The following CALN1 variants were observed in gnomAD, a reference collection of about 807,000 sequenced individuals.
The protein encoded by CALN1 is calneuron 1, also known as calcium-binding protein 8.
A neutral mutation model predicts 30.6 loss-of-function variants in CALN1; 17 were observed. That is an observed-to-expected ratio of 0.56 (90% CI 0.38 to 0.83). The LOEUF (loss-of-function observed/expected upper bound fraction) is 0.83, where lower values mean the gene tolerates loss of function less well. Ranked by LOEUF, CALN1 falls within the 40% of genes least tolerant of loss-of-function variation. The probability of loss-of-function intolerance (pLI) is 0.00; values close to 1 mark genes in which losing one functional copy is unlikely to be tolerated. For missense variants in CALN1, 291 were observed against 354.9 expected, an observed-to-expected ratio of 0.82 and a Z score of 1.45; for synonymous variants, 156 against 131.4, an observed-to-expected ratio of 1.19 and a Z score of -1.28.
chr7:72,405,321 C>T (rs371723544), intron 1 of CALN1, among the ~76,000 whole-genome samples: 3 of 152,316 alleles, frequency 2.0e-5, no homozygotes, highest in African/African-American at 7.2e-5. Context: ...TCTTCAGATG[C>T]GTGCTCACAG....
At chr7:72,153,187 T>C (rs572541593) in intron 3 of CALN1, among the ~76,000 whole-genome samples, 1 of 152,296 alleles carries the variant, frequency 6.6e-6, no homozygotes, top group East Asian at 1.9e-4. Context: ...TAACACCCCT[T>C]GGCTGCAGCA....
At chr7:71,788,725 T>G (rs945467093) in intron 6 of CALN1, among the ~76,000 whole-genome samples, 3 of 152,042 alleles carry the variant, frequency 2.0e-5, no homozygotes, top group Non-Finnish European at 4.4e-5. Context: ...TGGCATGATC[T>G]TGGCTCACTA....
intron 4 of CALN1, among the ~76,000 whole-genome samples, chr7:72,026,904 G>A (rs770521215): frequency 4.8e-5 from 7 of 146,140 alleles, no homozygotes; most frequent in South Asian, 4.5e-4. Flanking sequence ...GTGGCTCCAC[G>A]TCTTGGATAG....
chr7:72,206,760 T>C (rs1210993417), intron 3 of CALN1, among the ~76,000 whole-genome samples: 1 of 152,240 alleles, frequency 6.6e-6, no homozygotes, highest in Non-Finnish European at 1.5e-5. Flanking sequence ...TCCTTTCACA[T>C]TGCAGATTTG....
intron 2 of CALN1, among the ~76,000 whole-genome samples, chr7:72,291,547 CT>C: frequency 6.6e-6 from 1 of 152,336 alleles, no homozygotes; most frequent in East Asian, 1.9e-4. Flanking sequence ...TGCACATCCC[CT>C]GGAACACTGG....
chr7:72,317,174 A>C, intron 2 of CALN1, among the ~76,000 whole-genome samples: 1 of 75,448 alleles, frequency 1.3e-5, no homozygotes, highest in African/African-American at 5.3e-5. Flanking sequence ...GGAGGGAGGG[A>C]GGGAAGGAGG....
intron 4 of CALN1, among the ~76,000 whole-genome samples, chr7:72,036,994 G>A (rs1801839845): frequency 6.6e-6 from 1 of 151,854 alleles, no homozygotes; most frequent in Non-Finnish European, 1.5e-5. Context: ...TATTGTTTTA[G>A]TTTTTGTTTA....
intron 1 of CALN1, among the ~76,000 whole-genome samples, chr7:72,408,301 C>T (rs576237623): frequency 1.9e-4 from 29 of 148,760 alleles, no homozygotes; most frequent in South Asian, 6.4e-4. Flanking sequence ...ATTAGTAGTG[C>T]GTGGTGGCTC....
chr7:72,469,296 CT>C, the CALN1 span, among the ~76,000 whole-genome samples: 1 of 152,308 alleles, frequency 6.6e-6, no homozygotes, highest in East Asian at 1.9e-4. Context: ...GAATATCCAG[CT>C]GTCCCAGTAC....
chr7:72,280,663 G>T (rs964889999), intron 2 of CALN1, among the ~76,000 whole-genome samples: 1 of 152,156 alleles, frequency 6.6e-6, no homozygotes, highest in Non-Finnish European at 1.5e-5. Flanking sequence ...ATGGTCATTT[G>T]AGTACGGACT....
At chr7:71,903,875 A>T (rs768645317) in intron 5 of CALN1, among the ~76,000 whole-genome samples, 3 of 152,186 alleles carry the variant, frequency 2.0e-5, no homozygotes, top group Non-Finnish European at 2.9e-5. Context: ...CTGGATTCAA[A>T]AATAGGCAAA....
intron 4 of CALN1, among the ~76,000 whole-genome samples, chr7:72,052,923 T>A (rs1802931206): frequency 7.1e-6 from 1 of 141,060 alleles, no homozygotes. Flanking sequence ...CTCACGCCTG[T>A]AATCCCAGCA....
chr7:72,136,177 G>T (rs541762698), intron 3 of CALN1, among the ~76,000 whole-genome samples: 5 of 74,998 alleles, frequency 6.7e-5, no homozygotes, highest in Middle Eastern at 5.8e-3. Flanking sequence ...ATAAAGGGCT[G>T]GTTTTTTCTG....
intron 3 of CALN1, among the ~76,000 whole-genome samples, chr7:72,261,105 C>G (rs1006412872): frequency 6.6e-6 from 1 of 152,044 alleles, no homozygotes; most frequent in South Asian, 2.1e-4. Context: ...GTCAGGAGTT[C>G]GAGACCAGCT....
intron 2 of CALN1, among the ~76,000 whole-genome samples, chr7:72,296,749 CTCTT>C (rs1401510981): frequency 2.7e-5 from 4 of 150,676 alleles, no homozygotes; most frequent in Admixed American, 2.0e-4. Flanking sequence ...TGATTCTTCT[CTCTT>C]TTTTTATTAG....
At chr7:72,080,237 A>G (rs1338268124) in intron 4 of CALN1, among the ~76,000 whole-genome samples, 1 of 152,054 alleles carries the variant, frequency 6.6e-6, no homozygotes, top group Admixed American at 6.6e-5. Flanking sequence ...ACTTTTCCCT[A>G]TGCCTTAAAA....
intron 3 of CALN1, among the ~76,000 whole-genome samples, chr7:72,273,760 C>G (rs1298205689): frequency 1.3e-5 from 2 of 151,992 alleles, no homozygotes; most frequent in East Asian, 1.9e-4. Context: ...ATCTTCCTGC[C>G]TCAGCCTCCC....
At chr7:71,944,200 C>T (rs548657459) in intron 5 of CALN1, among the ~76,000 whole-genome samples, 1 of 152,050 alleles carries the variant, frequency 6.6e-6, no homozygotes, top group African/African-American at 2.4e-5. Flanking sequence ...TAATCCGAGC[C>T]CTCTGGGAGG....
intron 4 of CALN1, among the ~76,000 whole-genome samples, chr7:72,044,162 G>A (rs368015986): frequency 3.9e-5 from 6 of 152,158 alleles, no homozygotes; most frequent in African/African-American, 1.2e-4. Flanking sequence ...TAGGCTGATT[G>A]CACTTCCTAG....
Sources: gnomAD v4.1 joint callset for allele counts (sites outside exome capture counted in the v4.1 genomes callset) on GRCh38, gnomAD v4.1.1 for gene constraint, MANE v1.5 for transcripts, NCBI Gene and HGNC (gene_info 2026-07-23, HGNC 2026-07-21) for gene names.